Variants in FAM98B observed in about 807,000 individuals in gnomAD.
FAM98B encodes tRNA-splicing ligase complex subunit FAM98B.
In FAM98B, 32 loss-of-function variants were observed where a neutral mutation model predicts 43.9. That is an observed-to-expected ratio of 0.73 (90% CI 0.55 to 0.98). The LOEUF is 0.98. Among genes scored for constraint, FAM98B ranks in the 50% least tolerant of loss-of-function variants. FAM98B has a pLI of 0.00. For missense variants in FAM98B, 514 were observed against 522.9 expected (o/e 0.98, Z 0.17); for synonymous variants, 190 against 174.0 (o/e 1.09, Z -0.72).
At chr15:38,476,586 G>T (rs1228789591) in intron 6 of FAM98B, among the ~76,000 whole-genome samples, 2 of 149,076 alleles carry the variant, frequency 1.3e-5, no homozygotes, top group Admixed American at 6.7e-5. Flanking sequence ...TTTATACTTG[G>T]TGTTGAATTT....
In FAM98B at chr15:38,484,786, T is replaced by C. The variant is rs1890345292; in HGVS notation, c.*127T>C. 2 of 1,362,614 alleles carry C rather than the reference T, an allele frequency of 1.5e-6. No individual in the cohort carries two copies. The highest frequency in any genetic ancestry group is 3.0e-5 in the East Asian group (1 of 33,764). 84.4% of individuals were successfully genotyped at this position (1,362,614 alleles called of 1,614,324 possible). On this transcript the variant is annotated 3_prime_UTR_variant, in exon 8 of 8. Coordinates refer to ENST00000397609, the MANE Select transcript of FAM98B (RefSeq NM_173611.4). ...GTTAGACTCCCTGGTGATACCACTC[T>C]TGAATTGGTTAATATGTAAGAACAT... is the stretch of plus-strand genomic sequence containing the variant.
chr15:38,463,528 A>AATAG, intron 1 of FAM98B, among the ~76,000 whole-genome samples: 1 of 150,866 alleles, frequency 6.6e-6, no homozygotes, highest in Non-Finnish European at 1.5e-5. Flanking sequence ...AAATAAAATA[A>AATAG]AATAAAATAG....
At position 38,484,605 on chromosome 15, in the gene FAM98B, A is replaced by AGGTGGT. The variant is rs201831942; in HGVS notation, c.1272_1277dup (p.Gly428_Gly429dup). On this transcript the variant is annotated inframe_insertion, in exon 8 of 8. Transcript: ENST00000397609. ...GAGGCTATGGAGATCCATATGGAGG[A>AGGTGGT]GGTGGTGGTGGTGGTGGTGGTGGTG... is the stretch of plus-strand genomic sequence containing the variant. The AGGTGGT allele has an allele frequency of 2.3e-5, 24 of 1,049,752 alleles. No homozygotes were observed. The highest frequency in any genetic ancestry group is 1.7e-4 in the East Asian group (3 of 17,590). The allele number at this position is 1,049,752 out of a possible 1,614,324, so 65.0% of individuals were successfully genotyped here.
intron 6 of FAM98B, among the ~76,000 whole-genome samples, chr15:38,477,006 T>G (rs1479760828): frequency 2.0e-5 from 3 of 151,658 alleles, no homozygotes; most frequent in African/African-American, 4.8e-5. Context: ...ATAAAGGCAG[T>G]TGGGGTTGGG....
intron 1 of FAM98B, among the ~76,000 whole-genome samples, chr15:38,455,344 T>G (rs1206549745): frequency 2.6e-5 from 4 of 152,244 alleles, no homozygotes; most frequent in African/African-American, 9.6e-5. Context: ...CTGCTGTTTC[T>G]TGATAGGGGA....
intron 3 of FAM98B, among the ~76,000 whole-genome samples, chr15:38,466,725 A>G (rs2141055300): frequency 6.6e-6 from 1 of 152,296 alleles, no homozygotes; most frequent in Admixed American, 6.5e-5. Context: ...CTTAAAAATG[A>G]TTAAAATGGT....
rs776655176 is a variant in FAM98B, at chr15:38,464,274, A to AAATCACAT, written c.217+99_217+106dup. ...AATAATGTGCCCACTGTACAAAGAA[A>AAATCACAT]AATCACATATTCCAAAGAATTTCAG... On this transcript the variant is annotated intron_variant, in intron 2 of 7. Coordinates refer to ENST00000397609, the MANE Select transcript of FAM98B (RefSeq NM_173611.4). 8.2e-4 allele frequency: 962 copies of AAATCACAT among 1,173,284 alleles called. 1 individual carries two copies. Among genetic ancestry groups the AAATCACAT allele is most frequent in the Non-Finnish European group, 9.5e-4 (848 of 889,780 alleles). 72.7% of individuals were successfully genotyped at this position (1,173,284 alleles called of 1,614,324 possible).
At chr15:38,474,345 AGCTCTTCTG>A (rs1292493313) in intron 6 of FAM98B, 47 bp downstream of exon 6, 1 of 1,311,936 alleles carries the variant, frequency 7.6e-7, no homozygotes, top group Non-Finnish European at 1.1e-6. Context: ...AGCCTATAAC[AGCTCTTCTG>A]GCTTGCTTGT....
intron 3 of FAM98B, among the ~76,000 whole-genome samples, chr15:38,467,201 C>T (rs940637722): frequency 6.6e-6 from 1 of 152,100 alleles, no homozygotes; most frequent in Non-Finnish European, 1.5e-5. Context: ...CACAGTCTTA[C>T]CAGCATCTAG....
intron 6 of FAM98B, among the ~76,000 whole-genome samples, chr15:38,481,016 T>A (rs1890274237): frequency 6.6e-6 from 1 of 152,168 alleles, no homozygotes; most frequent in African/African-American, 2.4e-5. Context: ...TTGGTAAAAC[T>A]ATTTTTTAGG....
intron 3 of FAM98B, among the ~76,000 whole-genome samples, chr15:38,468,179 A>G (rs1021526077): frequency 2.0e-5 from 3 of 152,234 alleles, no homozygotes; most frequent in African/African-American, 7.2e-5. Context: ...GACTTCAGCC[A>G]AGGTTCTGTC....
At chr15:38,481,928 C>T (rs1890292642) in intron 7 of FAM98B, 1 of 225,096 alleles carries the variant, frequency 4.4e-6, no homozygotes, top group African/African-American at 2.3e-5. Context: ...CTTCTGTTTC[C>T]TGATTTGGAG....
intron 3 of FAM98B, among the ~76,000 whole-genome samples, chr15:38,467,200 A>G (rs1890048734): frequency 6.6e-6 from 1 of 152,180 alleles, no homozygotes. Flanking sequence ...TCACAGTCTT[A>G]CCAGCATCTA....
chr15:38,470,529 T>TGAAG, intron 4 of FAM98B, 124 bp downstream of exon 4: 1 of 858,138 alleles, frequency 1.2e-6, no homozygotes. Context: ...TTTATCTTCA[T>TGAAG]ATAAACCCAG....
At chr15:38,465,887 G>T (rs2141054879) in intron 3 of FAM98B, among the ~76,000 whole-genome samples, 1 of 152,042 alleles carries the variant, frequency 6.6e-6, no homozygotes, top group Middle Eastern at 3.4e-3. Context: ...CACTTTAAAT[G>T]TGGCCAGTTT....
rs971773140 is a variant in FAM98B, at chr15:38,486,098, T to C, written c.*1439T>C. 3.9e-5 allele frequency: 6 copies of C among 152,120 alleles called. No homozygotes were observed. Among genetic ancestry groups the C allele is most frequent in the Non-Finnish European group, 8.8e-5 (6 of 67,984 alleles). The allele number at this position is 152,120 out of a possible 1,614,324, so 9.4% of individuals were successfully genotyped here. ...TCTGTGGTAAAATCTAAAATAATGT[T>C]AAAACCCTAAAAGTAACTATTGAAT... On this transcript the variant is annotated 3_prime_UTR_variant, in exon 8 of 8. Transcript: ENST00000397609.
At chr15:38,468,970 G>A (rs1182638748) in intron 3 of FAM98B, among the ~76,000 whole-genome samples, 2 of 152,146 alleles carry the variant, frequency 1.3e-5, no homozygotes, top group African/African-American at 2.4e-5. Flanking sequence ...GCAATGGCAC[G>A]ATCTCGATTC....
rs984546355 is a variant in FAM98B, at chr15:38,487,014, C to T, written c.*2355C>T. On this transcript the variant is annotated 3_prime_UTR_variant, in exon 8 of 8. Coordinates refer to ENST00000397609, the MANE Select transcript of FAM98B (RefSeq NM_173611.4). ...TTTCATTTTTTAATTACCTCATTGT[C>T]CTTCCCCTTTTTTCTTCTCTTTTTG... 1 of 151,886 alleles carries T rather than the reference C, an allele frequency of 6.6e-6. No individual in the cohort carries two copies. The highest frequency in any genetic ancestry group is 1.5e-5 in the Non-Finnish European group (1 of 67,882). The allele number at this position is 151,886 out of a possible 1,614,324, so 9.4% of individuals were successfully genotyped here. A position where few individuals can be genotyped will look rare whatever the true frequency, so the allele number is the denominator to read the frequency against.
At chr15:38,462,151 T>C (rs1452195619) in intron 1 of FAM98B, among the ~76,000 whole-genome samples, 1 of 152,186 alleles carries the variant, frequency 6.6e-6, no homozygotes, top group Non-Finnish European at 1.5e-5. Flanking sequence ...TGAGCATGTA[T>C]GTGTTTAAAG....
Sources: gnomAD v4.1 joint callset for allele counts (sites outside exome capture counted in the v4.1 genomes callset) on GRCh38, gnomAD v4.1.1 for gene constraint, MANE v1.5 for transcripts, NCBI Gene and HGNC (gene_info 2026-07-23, HGNC 2026-07-21) for gene names.